The following ELAVL2 variants were observed in gnomAD, a reference collection of about 807,000 sequenced individuals.
ELAVL2 encodes the protein ELAV like RNA binding protein 2, also known as ELAV-like protein 2.
A neutral mutation model predicts 34.6 loss-of-function variants in ELAVL2; 4 were observed. The ratio of observed to expected loss-of-function variants is 0.12; its 90% CI spans 0.06 to 0.26. The LOEUF (loss-of-function observed/expected upper bound fraction) is 0.26. Ranked by LOEUF, ELAVL2 falls within the 10% of genes least tolerant of loss-of-function variation. The pLI is 1.00. For synonymous variants in ELAVL2, 193 were observed against 154.8 expected (o/e 1.25, Z -1.83); for missense variants, 432 against 442.8 (o/e 0.98, Z 0.22).
the ELAVL2 span, chr9:23,847,164 T>C: frequency 1.3e-5 from 2 of 152,140 alleles, no homozygotes; most frequent in African/African-American, 4.8e-5. Flanking sequence ...ATATTTGACA[T>C]AGGATACATA....
At chr9:23,728,115 G>T (rs886982145) in intron 3 of ELAVL2, among the ~76,000 whole-genome samples, 2 of 108,146 alleles carry the variant, frequency 1.8e-5, no homozygotes, top group African/African-American at 7.1e-5. Flanking sequence ...TGGCTAAATT[G>T]TATGACCACC....
the ELAVL2 span, among the ~76,000 whole-genome samples, chr9:23,850,109 G>T: frequency 1.3e-5 from 2 of 151,766 alleles, no homozygotes; most frequent in Non-Finnish European, 2.9e-5. Flanking sequence ...ATACCGGGGA[G>T]GGGGTGGGGG....
chr9:23,744,362 G>C (rs1182385829), intron 2 of ELAVL2, among the ~76,000 whole-genome samples: 1 of 152,142 alleles, frequency 6.6e-6, no homozygotes, highest in Non-Finnish European at 1.5e-5. Flanking sequence ...TAGTTTTTCA[G>C]CTCATTCCAA....
chr9:23,756,219 T>C (rs1325077127), intron 2 of ELAVL2, among the ~76,000 whole-genome samples: 1 of 152,178 alleles, frequency 6.6e-6, no homozygotes, highest in African/African-American at 2.4e-5. Flanking sequence ...AGAACACTCA[T>C]ATTAATAAAA....
chr9:23,802,378 C>A (rs1007041951), intron 1 of ELAVL2, among the ~76,000 whole-genome samples: 1 of 152,184 alleles, frequency 6.6e-6, no homozygotes, highest in African/African-American at 2.4e-5. Context: ...AAGACTTGGC[C>A]AAACTTTCTA....
chr9:23,801,164 C>T (rs975403543), intron 1 of ELAVL2, among the ~76,000 whole-genome samples: 3 of 152,102 alleles, frequency 2.0e-5, no homozygotes, highest in Non-Finnish European at 2.9e-5. Flanking sequence ...AGTAGGTACA[C>T]GCACCCAGGA....
chr9:23,790,368 T>C (rs1421721698), intron 1 of ELAVL2, among the ~76,000 whole-genome samples: 1 of 152,198 alleles, frequency 6.6e-6, no homozygotes, highest in African/African-American at 2.4e-5. Flanking sequence ...AATACCCGCT[T>C]TCCCAGTCTG....
intron 1 of ELAVL2, among the ~76,000 whole-genome samples, chr9:23,777,108 AAT>A (rs1225358622): frequency 3.9e-5 from 6 of 152,206 alleles, no homozygotes; most frequent in Non-Finnish European, 8.8e-5. Context: ...CTTAGCAGTA[AAT>A]AGTCTTTAAC....
At chr9:23,765,344 G>A (rs1401226129) in intron 1 of ELAVL2, among the ~76,000 whole-genome samples, 2 of 151,958 alleles carry the variant, frequency 1.3e-5, no homozygotes, top group Non-Finnish European at 2.9e-5. Context: ...TAGTTATCTT[G>A]GCATCTATTC....
In ELAVL2 at chr9:23,691,285, T is replaced by A. The variant is rs190640238; in HGVS notation, c.*1272A>T. ...AAAATTAAATTAGCTGAAAGGTTCA[T>A]AAACACAAGGTCTTATTTACATTAC... On this transcript the variant is annotated 3_prime_UTR_variant, in exon 7 of 7. Transcript: ENST00000397312. 593 of 152,744 alleles carry A rather than the reference T, an allele frequency of 3.9e-3. 2 individuals carry two copies. The highest frequency in any genetic ancestry group is 5.5e-3 in the Non-Finnish European group (372 of 67,998). The allele number at this position is 152,744 out of a possible 1,614,324, so 9.5% of individuals were successfully genotyped here.
chr9:23,733,465 A>T (rs1266572649), intron 2 of ELAVL2, among the ~76,000 whole-genome samples: 2 of 152,176 alleles, frequency 1.3e-5, no homozygotes, highest in African/African-American at 2.4e-5. Flanking sequence ...TAATGGTGAG[A>T]ACCTAGCTGG....
intron 4 of ELAVL2, among the ~76,000 whole-genome samples, chr9:23,703,516 C>A (rs1359704849): frequency 6.6e-6 from 1 of 152,136 alleles, no homozygotes; most frequent in Non-Finnish European, 1.5e-5. Flanking sequence ...CCCAGGCATG[C>A]ATGTAGTGCT....
At chr9:23,833,706 A>T in the ELAVL2 span, among the ~76,000 whole-genome samples, 1 of 151,930 alleles carries the variant, frequency 6.6e-6, no homozygotes, top group South Asian at 2.1e-4. Flanking sequence ...AAAAATAAAA[A>T]ATAACCAAAA....
intron 2 of ELAVL2, among the ~76,000 whole-genome samples, chr9:23,756,449 T>C (rs1029684545): frequency 1.3e-5 from 2 of 152,164 alleles, no homozygotes; most frequent in Non-Finnish European, 2.9e-5. Context: ...GAAATACTCA[T>C]TACCTGAGGT....
chr9:23,785,375 C>A, intron 1 of ELAVL2, among the ~76,000 whole-genome samples: 1 of 152,092 alleles, frequency 6.6e-6, no homozygotes, highest in Non-Finnish European at 1.5e-5. Flanking sequence ...ACACATAGAC[C>A]AAAGCATATT....
At chr9:23,771,127 G>T (rs2057231406) in intron 1 of ELAVL2, among the ~76,000 whole-genome samples, 1 of 152,202 alleles carries the variant, frequency 6.6e-6, no homozygotes, top group South Asian at 2.1e-4. Context: ...CAGTCAAGAA[G>T]CAACTGCAGC....
chr9:23,834,951 A>T, the ELAVL2 span, among the ~76,000 whole-genome samples: 1 of 152,058 alleles, frequency 6.6e-6, no homozygotes, highest in Non-Finnish European at 1.5e-5. Flanking sequence ...ACTTTTACAT[A>T]TTTATCATTG....
At chr9:23,732,171 G>A (rs975393971) in intron 2 of ELAVL2, among the ~76,000 whole-genome samples, 1 of 152,162 alleles carries the variant, frequency 6.6e-6, no homozygotes, top group Non-Finnish European at 1.5e-5. Flanking sequence ...AAGTACTACT[G>A]TTGCATCAAT....
At chr9:23,805,591 C>T (rs987151497) in intron 1 of ELAVL2, among the ~76,000 whole-genome samples, 1 of 152,162 alleles carries the variant, frequency 6.6e-6, no homozygotes, top group Non-Finnish European at 1.5e-5. Context: ...TACCCATGCA[C>T]GAGCATGAGC....
Sources: gnomAD v4.1 joint callset for allele counts (sites outside exome capture counted in the v4.1 genomes callset) on GRCh38, gnomAD v4.1.1 for gene constraint, MANE v1.5 for transcripts, NCBI Gene and HGNC (gene_info 2026-07-23, HGNC 2026-07-21) for gene names.